The following SORCS1 variants were observed in gnomAD, a reference collection of about 807,000 sequenced individuals.
The protein encoded by SORCS1 is sortilin related VPS10 domain containing receptor 1.
SORCS1 carries 60 observed loss-of-function variants against 146.1 expected under a neutral mutation model. The ratio of observed to expected loss-of-function variants is 0.41; its 90% CI spans 0.33 to 0.51. The LOEUF is 0.51. SORCS1 is among the 20% of genes least tolerant of loss of function. SORCS1 has a pLI of 0.21. For synonymous variants in SORCS1, 637 were observed against 584.0 expected (o/e 1.09, Z -1.31); for missense variants, 1,352 against 1,487.6 (o/e 0.91, Z 1.50).
At chr10:107,098,800 A>G (rs1336330568) in intron 1 of SORCS1, among the ~76,000 whole-genome samples, 1 of 152,186 alleles carries the variant, frequency 6.6e-6, no homozygotes, top group Non-Finnish European at 1.5e-5. Context: ...GCTCTCATGT[A>G]TTACTCTGGG....
At chr10:107,009,011 A>C (rs746670196) in intron 1 of SORCS1, among the ~76,000 whole-genome samples, 4 of 152,208 alleles carry the variant, frequency 2.6e-5, no homozygotes, top group Non-Finnish European at 5.9e-5. Context: ...AAAACTAAAC[A>C]AAACAAATGG....
chr10:106,828,412 G>A (rs1484510101), intron 3 of SORCS1, among the ~76,000 whole-genome samples: 1 of 152,194 alleles, frequency 6.6e-6, no homozygotes, highest in Non-Finnish European at 1.5e-5. Flanking sequence ...TGGGGCTAGA[G>A]CTTGCACGTT....
intron 1 of SORCS1, among the ~76,000 whole-genome samples, chr10:107,069,774 T>A (rs574633474): frequency 1.3e-5 from 2 of 152,354 alleles, no homozygotes; most frequent in East Asian, 3.9e-4. Context: ...GCAATGATTA[T>A]CACCTTCAAT....
At chr10:107,037,155 A>G (rs1958939475) in intron 1 of SORCS1, among the ~76,000 whole-genome samples, 2 of 152,206 alleles carry the variant, frequency 1.3e-5, no homozygotes, top group African/African-American at 4.8e-5. Context: ...CTGAGGAGGG[A>G]GAATTGCTTG....
At chr10:106,578,829 AC>A in intron 25 of SORCS1, 1 of 1,329,026 alleles carries the variant, frequency 7.5e-7, no homozygotes, top group Non-Finnish European at 9.6e-7. Context: ...TAACATTTTA[AC>A]ATTTTAAGCC....
intron 23 of SORCS1, among the ~76,000 whole-genome samples, chr10:106,601,135 A>C (rs939617905): frequency 2.0e-5 from 3 of 152,216 alleles, no homozygotes; most frequent in Non-Finnish European, 4.4e-5. Context: ...TTCTACTGGA[A>C]AGTATGGCAA....
chr10:106,952,497 G>A (rs998686249), intron 2 of SORCS1, among the ~76,000 whole-genome samples: 4 of 150,836 alleles, frequency 2.7e-5, no homozygotes, highest in African/African-American at 9.7e-5. Context: ...TACGGGCACT[G>A]TGAGCTGTTC....
At chr10:107,111,056 A>G (rs1035943412) in intron 1 of SORCS1, among the ~76,000 whole-genome samples, 6 of 152,154 alleles carry the variant, frequency 3.9e-5, no homozygotes, top group African/African-American at 1.4e-4. Flanking sequence ...ATCAGCTCAG[A>G]GTCTCAACAT....
intron 2 of SORCS1, among the ~76,000 whole-genome samples, chr10:106,842,401 T>A (rs1055729360): frequency 4.6e-5 from 7 of 151,464 alleles, no homozygotes; most frequent in African/African-American, 1.5e-4. Context: ...GCCCGGCTAA[T>A]TTTTGTATTT....
In SORCS1 at chr10:106,960,785, G is replaced by T. The variant is rs553101170; in HGVS notation, c.559-4205C>A. Among the ~76,000 whole-genome samples the T allele has an allele frequency of 6.6e-6, 1 of 152,212 alleles. No homozygotes were observed. Among genetic ancestry groups the T allele is most frequent in the East Asian group, 1.9e-4 (1 of 5,168 alleles). On this transcript the variant is annotated intron_variant, in intron 1 of 25. Transcript: ENST00000263054. The surrounding 1 kb of genome is among the most constrained non-coding windows in gnomAD (Gnocchi z 4.4). ...CCCATTCCTTGGAGGGTAGAAGGGT[G>T]CCAGAAACAGTGCCAGGTCAGGTTC...
At chr10:106,750,022 T>G (rs1393852947) in intron 5 of SORCS1, among the ~76,000 whole-genome samples, 1 of 152,106 alleles carries the variant, frequency 6.6e-6, no homozygotes, top group Non-Finnish European at 1.5e-5. Context: ...TCAAAATCGA[T>G]GATTGAATGA....
intron 2 of SORCS1, among the ~76,000 whole-genome samples, chr10:106,917,457 T>C (rs1393149012): frequency 2.0e-5 from 3 of 152,202 alleles, no homozygotes; most frequent in Non-Finnish European, 4.4e-5. Flanking sequence ...AAAGACATGA[T>C]ATTTTTGCTT....
At chr10:106,663,698 A>G (rs1850912010) in intron 17 of SORCS1, among the ~76,000 whole-genome samples, 1 of 152,076 alleles carries the variant, frequency 6.6e-6, no homozygotes, top group Admixed American at 6.5e-5. Context: ...CCTCTTGCCA[A>G]CTCTTGAGTT....
chr10:106,898,576 G>A (rs1298708745), intron 2 of SORCS1, among the ~76,000 whole-genome samples: 1 of 152,144 alleles, frequency 6.6e-6, no homozygotes, highest in Non-Finnish European at 1.5e-5. Flanking sequence ...TAATTTTTGC[G>A]TAGGGGGTCA....
intron 5 of SORCS1, among the ~76,000 whole-genome samples, chr10:106,757,486 A>G (rs1008461294): frequency 2.0e-5 from 3 of 152,192 alleles, no homozygotes; most frequent in African/African-American, 7.2e-5. Flanking sequence ...TCTAATAAAT[A>G]TTGCTTTGAT....
intron 1 of SORCS1, among the ~76,000 whole-genome samples, chr10:107,010,039 C>T (rs1957628062): frequency 6.6e-6 from 1 of 152,126 alleles, no homozygotes; most frequent in Non-Finnish European, 1.5e-5. Flanking sequence ...GTATGGAAGC[C>T]AGTATAGTCT....
intron 1 of SORCS1, among the ~76,000 whole-genome samples, chr10:107,073,440 G>A (rs1447299981): frequency 6.6e-6 from 1 of 152,064 alleles, no homozygotes; most frequent in Non-Finnish European, 1.5e-5. Flanking sequence ...CTCTAATTGA[G>A]GGGATTCTAC....
At chr10:106,644,472 T>C (rs1279975218) in intron 18 of SORCS1, among the ~76,000 whole-genome samples, 4 of 152,074 alleles carry the variant, frequency 2.6e-5, no homozygotes, top group Non-Finnish European at 5.9e-5. Context: ...GTTCAAGCAA[T>C]TCTCCTGCCT....
In SORCS1 at chr10:106,963,110, ATTTTTTT is replaced by A. The variant is rs749174613; in HGVS notation, c.559-6537_559-6531del. 8.8e-3 allele frequency among the ~76,000 whole-genome samples: 674 copies of A among 76,322 alleles called. 22 individuals are homozygous for A. The highest frequency in any genetic ancestry group is 0.029 in the African/African-American group (645 of 21,938). The allele number at this position is 76,322 out of a possible 152,430, so 50.1% of individuals were successfully genotyped here. On this transcript the variant is annotated intron_variant, in intron 1 of 25. Coordinates refer to ENST00000263054, the MANE Select transcript of SORCS1 (RefSeq NM_052918.5). ...AAGAGAGCAGTGTTCAATGGCCAGA[ATTTTTTT>A]TTTTTTTTTTTTTTTTTTGAGACAG...
Sources: allele counts gnomAD v4.1 joint callset (sites outside exome capture counted in the v4.1 genomes callset), GRCh38; gene constraint gnomAD v4.1.1; non-coding constraint Gnocchi (gnomAD v3.1); transcripts MANE v1.5; gene names NCBI Gene and HGNC (gene_info 2026-07-23, HGNC 2026-07-21).